Variants in CARS2 observed in about 807,000 individuals in gnomAD.
The protein encoded by CARS2 is probable cysteine--tRNA ligase, mitochondrial.
In CARS2, 52 loss-of-function variants were observed where a neutral mutation model predicts 68.8. The observed-to-expected ratio is 0.76, with a 90% CI of 0.61 to 0.95. CARS2 has a LOEUF of 0.95. CARS2 is among the 40% of genes least tolerant of loss of function. CARS2 has a pLI of 0.00. For missense variants in CARS2, 780 were observed against 754.2 expected, an observed-to-expected ratio of 1.03 and a Z score of -0.40; for synonymous variants, 314 against 303.6, an observed-to-expected ratio of 1.03 and a Z score of -0.36.
chr13:110,649,443 G>A (rs1478519962), intron 10 of CARS2: 2 of 150,846 alleles, frequency 1.3e-5, no homozygotes, highest in African/African-American at 2.5e-5. Context: ...AAATTCTGCA[G>A]GCACAGCACA....
chr13:110,642,922 G>A, intron 13 of CARS2: 2 of 406,222 alleles, frequency 4.9e-6, no homozygotes, highest in South Asian at 4.0e-5. Context: ...GTGTGTTTCG[G>A]CAAATGGTCT....
chr13:110,713,024 A>G (rs1373150181), intron 1 of CARS2: 3 of 1,507,758 alleles, frequency 2.0e-6, no homozygotes, highest in Admixed American at 2.1e-5. Flanking sequence ...GGACACCGAG[A>G]GGGTGCCAGT....
rs2062261539 is a variant in CARS2 at position 110,653,037 on chromosome 13, C to T, written c.988-1937G>A. Among the ~76,000 whole-genome samples the T allele has an allele frequency of 6.6e-6, 1 of 152,192 alleles. No individual in the cohort carries two copies. Among genetic ancestry groups the T allele is most frequent in the South Asian group, 2.1e-4 (1 of 4,832 alleles). On this transcript the variant is annotated intron_variant, in intron 9 of 14. Coordinates refer to ENST00000257347, the MANE Select transcript of CARS2 (RefSeq NM_024537.4). This position sits in a 1 kb window ranked among gnomAD's most constrained non-coding sequence, Gnocchi z 5.6. Reference sequence around the variant, plus strand: ...TCAGACCCCACCCACGCTGAGCTAACCGCTGAGTCAAGCAGAGCCCCCGCT... The same window carrying T: ...TCAGACCCCACCCACGCTGAGCTAATCGCTGAGTCAAGCAGAGCCCCCGCT...
chr13:110,671,536 G>T (rs539135617), intron 7 of CARS2, among the ~76,000 whole-genome samples: 1 of 152,264 alleles, frequency 6.6e-6, no homozygotes, highest in Non-Finnish European at 1.5e-5. Flanking sequence ...TCACCACCAG[G>T]CCTGCCTTAC....
At chr13:110,694,786 T>C (rs1218015300) in intron 3 of CARS2, among the ~76,000 whole-genome samples, 1 of 152,118 alleles carries the variant, frequency 6.6e-6, no homozygotes, top group Non-Finnish European at 1.5e-5. Flanking sequence ...CTCAGGAAAG[T>C]GTATTATTAT....
At chr13:110,680,357 C>T (rs1393660017) in intron 6 of CARS2, among the ~76,000 whole-genome samples, 1 of 152,194 alleles carries the variant, frequency 6.6e-6, no homozygotes, top group African/African-American at 2.4e-5. Flanking sequence ...CATGCCACTG[C>T]ACTCCAGCCT....
rs774297299 is a variant in CARS2, at chr13:110,677,068, G to A, written c.691C>T (p.Leu231=). ...SDKRHASDFA[L]WKAAKPQEVF... Reference sequence around the variant, plus strand: ...TCCTGGGGTTTGGCCGCCTTCCACAGGGCGAAGTCACTGGCATGACGCTTG... The same window carrying A: ...TCCTGGGGTTTGGCCGCCTTCCACAAGGCGAAGTCACTGGCATGACGCTTG... The change falls in exon 7 of 15, where the codon CTG becomes TTG. Residue 231 remains leucine (L), a synonymous_variant. Transcript: ENST00000257347. 1.6e-5 allele frequency: 25 copies of A among 1,610,546 alleles called. No homozygotes were observed. Among genetic ancestry groups the A allele is most frequent in the Admixed American group, 3.3e-5 (2 of 59,840 alleles).
intron 7 of CARS2, among the ~76,000 whole-genome samples, chr13:110,675,686 C>A (rs2062927353): frequency 1.3e-5 from 2 of 152,014 alleles, no homozygotes; most frequent in Non-Finnish European, 2.9e-5. Context: ...TGCACATGTA[C>A]CCTAGAAGTT....
At chr13:110,704,750 A>AC (rs1417242357) in intron 2 of CARS2, among the ~76,000 whole-genome samples, 2 of 152,234 alleles carry the variant, frequency 1.3e-5, no homozygotes, top group Non-Finnish European at 2.9e-5. Context: ...GAAAAAAAAA[A>AC]AGTATACAGA....
rs570678070 is a variant in CARS2, at chr13:110,651,418, G to C, written c.988-318C>G. On this transcript the variant is annotated intron_variant, in intron 9 of 14. Coordinates refer to ENST00000257347, the MANE Select transcript of CARS2 (RefSeq NM_024537.4). ...CCTGGGCTCTCTTTCTGCACGACAGGGACGTGGGACAGACAGCATGGAGCG... is the reference window on the plus strand; with the variant it reads ...CCTGGGCTCTCTTTCTGCACGACAGCGACGTGGGACAGACAGCATGGAGCG... 2.6e-5 allele frequency among the ~76,000 whole-genome samples: 4 copies of C among 152,338 alleles called. No homozygotes were observed. The South Asian group carries it at 8.3e-4, about 32-fold the overall frequency.
intron 3 of CARS2, among the ~76,000 whole-genome samples, chr13:110,691,119 G>A (rs2063448294): frequency 6.6e-6 from 1 of 152,304 alleles, no homozygotes; most frequent in Admixed American, 6.5e-5. Context: ...GGGCTCAAGC[G>A]ATGCTCCTGT....
intron 3 of CARS2, among the ~76,000 whole-genome samples, chr13:110,690,389 T>C (rs777754340): frequency 9.9e-5 from 15 of 152,202 alleles, no homozygotes; most frequent in Admixed American, 5.9e-4. Context: ...CCCACAAGCA[T>C]GAACGTGGTT....
intron 3 of CARS2, among the ~76,000 whole-genome samples, chr13:110,700,436 G>A (rs746947381): frequency 2.6e-5 from 4 of 152,228 alleles, no homozygotes; most frequent in African/African-American, 4.8e-5. Context: ...GAAGGCACGC[G>A]TGGCGTGTGC....
At position 110,676,836 on chromosome 13, in the gene CARS2, G is replaced by A. The variant is rs1214833708; in HGVS notation, c.785+138C>T. The stretch of plus-strand genomic sequence containing the variant: ...CCCGTTCCATGGCCCGTCACACTCC[G>A]GCAAAAATCTCTTCCCAAAAAATCA... On this transcript the variant is annotated intron_variant, in intron 7 of 14. Coordinates refer to ENST00000257347, the MANE Select transcript of CARS2 (RefSeq NM_024537.4). This position sits in a 1 kb window ranked among gnomAD's most constrained non-coding sequence, Gnocchi z 4.0. 55 of 1,165,102 alleles carry A rather than the reference G, an allele frequency of 4.7e-5. No homozygotes were observed. The highest frequency in any genetic ancestry group is 6.3e-5 in the Non-Finnish European group (54 of 859,436). 72.2% of individuals were successfully genotyped at this position (1,165,102 alleles called of 1,614,324 possible).
chr13:110,697,338 G>A (rs1186228299), intron 3 of CARS2, among the ~76,000 whole-genome samples: 1 of 152,232 alleles, frequency 6.6e-6, no homozygotes, highest in African/African-American at 2.4e-5. Flanking sequence ...CATTTAAAGT[G>A]GGAGCCGATT....
chr13:110,658,926 AAAAC>A (rs1019671928), intron 9 of CARS2, among the ~76,000 whole-genome samples: 10 of 152,276 alleles, frequency 6.6e-5, no homozygotes, highest in South Asian at 2.1e-4. Context: ...GACTAACAAA[AAAAC>A]AAACAAACAA....
In CARS2 at chr13:110,644,394, T is replaced by G. The variant is rs780686611; in HGVS notation, c.1407A>C (p.Ala469=). Residue 469 remains alanine (A), a synonymous_variant, in exon 13 of 15, where the codon GCA becomes GCC. Transcript: ENST00000257347. ...QFFETVGISL[A]NQQYVSGDGS... ...AAATAATAGGACCTACCTGTTGATT[T>G]GCCAGAGAAATTCCAACAGTTTCAA... 5.0e-5 allele frequency: 80 copies of G among 1,613,766 alleles called. No homozygotes were observed. The highest frequency in any genetic ancestry group is 6.7e-5 in the Non-Finnish European group (79 of 1,179,824).
intron 10 of CARS2, among the ~76,000 whole-genome samples, chr13:110,649,729 G>A (rs1010938125): frequency 3.9e-5 from 6 of 152,158 alleles, no homozygotes; most frequent in African/African-American, 7.2e-5. Flanking sequence ...CAATGGAGCA[G>A]AGGGGACACC....
Position 110,705,673 on chromosome 13 carries a change from G to A in CARS2, c.225-102C>T. Reference sequence around the variant, plus strand: ...TATAATTTTTAAAGTAATCACTTCTGGGGGATGAATAGCCGGGGTTTTCAT... The same window carrying A: ...TATAATTTTTAAAGTAATCACTTCTAGGGGATGAATAGCCGGGGTTTTCAT... On this transcript the variant is annotated intron_variant, in intron 1 of 14. Transcript: ENST00000257347. The surrounding 1 kb of genome is among the most constrained non-coding windows in gnomAD (Gnocchi z 4.0). 1 of 1,465,350 alleles carries A rather than the reference G, an allele frequency of 6.8e-7. No homozygotes were observed. The highest frequency in any genetic ancestry group is 1.4e-5 in the African/African-American group (1 of 71,322). 90.8% of individuals were successfully genotyped at this position (1,465,350 alleles called of 1,614,324 possible).
Sources: gnomAD v4.1 joint callset for allele counts (sites outside exome capture counted in the v4.1 genomes callset) on GRCh38, gnomAD v4.1.1 for gene constraint, Gnocchi (gnomAD v3.1) non-coding constraint, MANE v1.5 for transcripts, NCBI Gene and HGNC (gene_info 2026-07-23, HGNC 2026-07-21) for gene names.